The following ZRANB3 variants were observed in gnomAD, a reference collection of about 807,000 sequenced individuals.
The protein encoded by ZRANB3 is zinc finger RANBP2-type containing 3, also known as DNA annealing helicase and endonuclease ZRANB3.
Under a neutral mutation model 133.8 loss-of-function variants are expected in ZRANB3, and 125 were observed. The ratio of observed to expected loss-of-function variants is 0.93; its 90% confidence interval spans 0.81 to 1.08. The LOEUF (loss-of-function observed/expected upper bound fraction) is 1.08. Ranked by LOEUF, ZRANB3 falls within the 50% of genes least tolerant of loss-of-function variation. The pLI, the probability that ZRANB3 is intolerant of heterozygous loss-of-function variation, is 0.00. For synonymous variants in ZRANB3, 387 were observed against 432.7 expected, an observed-to-expected ratio of 0.89 and a Z score of 1.31; for missense variants, 1,229 against 1,275.5, an observed-to-expected ratio of 0.96 and a Z score of 0.56.
chr2:135,456,186 A>G (rs577823420), intron 2 of ZRANB3, among the ~76,000 whole-genome samples: 22 of 152,336 alleles, frequency 1.4e-4, no homozygotes, highest in African/African-American at 5.3e-4. Context: ...CATCTGAAAA[A>G]GGAATTTATT....
intron 8 of ZRANB3, among the ~76,000 whole-genome samples, chr2:135,280,215 G>A (rs1015758125): frequency 6.6e-6 from 1 of 152,148 alleles, no homozygotes. Flanking sequence ...TTAGTAATAA[G>A]CCTGTTAGTC....
chr2:135,375,313 G>A (rs1686370642), intron 3 of ZRANB3, among the ~76,000 whole-genome samples: 1 of 152,170 alleles, frequency 6.6e-6, no homozygotes, highest in Non-Finnish European at 1.5e-5. Flanking sequence ...AGCACTTTGG[G>A]AGGCCAAGGC....
intron 8 of ZRANB3, among the ~76,000 whole-genome samples, chr2:135,292,561 T>C (rs1203686399): frequency 6.6e-6 from 1 of 152,242 alleles, no homozygotes; most frequent in African/African-American, 2.4e-5. Context: ...TTCACTCTGA[T>C]GGTAGTTTCT....
At chr2:135,256,995 G>GGCCGGGCGCGGTGGCTCACGCCTGTAATC (rs1679690338) in intron 12 of ZRANB3, among the ~76,000 whole-genome samples, 1 of 152,154 alleles carries the variant, frequency 6.6e-6, no homozygotes, top group Non-Finnish European at 1.5e-5. Context: ...GTTTACAAAT[G>GGCCGGGCGCGGTGGCTCACGCCTGTAATC]CCATGGAAAC....
At chr2:135,200,753 G>GTTTT (rs373759295) in intron 20 of ZRANB3, among the ~76,000 whole-genome samples, 8 of 126,436 alleles carry the variant, frequency 6.3e-5, no homozygotes, top group African/African-American at 1.8e-4. Flanking sequence ...CAAGTGGGAG[G>GTTTT]TTTTTTTTTT....
intron 8 of ZRANB3, among the ~76,000 whole-genome samples, chr2:135,277,088 A>G (rs535462779): frequency 6.6e-6 from 1 of 152,240 alleles, no homozygotes; most frequent in South Asian, 2.1e-4. Flanking sequence ...ATCCTACAAA[A>G]CTCATGGGGA....
chr2:135,225,860 C>T (rs1694741082), intron 14 of ZRANB3, among the ~76,000 whole-genome samples: 1 of 152,120 alleles, frequency 6.6e-6, no homozygotes. Flanking sequence ...CTTCATGGTA[C>T]TGAAGGAAGC....
chr2:135,461,614 G>T (rs1449039065), intron 2 of ZRANB3, among the ~76,000 whole-genome samples: 2 of 152,052 alleles, frequency 1.3e-5, no homozygotes, highest in South Asian at 2.1e-4. Flanking sequence ...CACAAAGCAG[G>T]TCTTTTGCTA....
At chr2:135,517,415 C>T (rs952242141) in intron 1 of ZRANB3, among the ~76,000 whole-genome samples, 1 of 152,092 alleles carries the variant, frequency 6.6e-6, no homozygotes, top group Non-Finnish European at 1.5e-5. Flanking sequence ...GATTTATCTA[C>T]CTTTGGTCTT....
chr2:135,246,970 A>G (rs1489538230), intron 12 of ZRANB3, among the ~76,000 whole-genome samples: 2 of 152,182 alleles, frequency 1.3e-5, no homozygotes, highest in Admixed American at 1.3e-4. Flanking sequence ...AGGGGAAAAA[A>G]ATCTAGTAAA....
chr2:135,365,181 T>G (rs62172190), intron 3 of ZRANB3, among the ~76,000 whole-genome samples: 1 of 151,982 alleles, frequency 6.6e-6, no homozygotes, highest in Admixed American at 6.6e-5. Context: ...GCAGGGGAAT[T>G]GCTTTAACCC....
At chr2:135,218,019 C>A (rs1273445612) in intron 16 of ZRANB3, among the ~76,000 whole-genome samples, 4 of 152,078 alleles carry the variant, frequency 2.6e-5, no homozygotes, top group Non-Finnish European at 5.9e-5. Context: ...CACTATGTTG[C>A]CCAGGCTCGT....
At position 135,223,389 on chromosome 2, in the gene ZRANB3, G is replaced by A. The variant is rs185573645; in HGVS notation, c.2250+1037C>T. Among the ~76,000 whole-genome samples, 5 of 149,126 alleles carry A rather than the reference G, an allele frequency of 3.4e-5. No homozygotes were observed. In the East Asian group the frequency reaches 1.0e-3, roughly 31 times the overall value. Reference sequence around the variant, plus strand: ...CACCCAGGCTGGAGTGCAGTGGCGCGATCTTGGCTCACTGCAACCTCTGCC... The same window carrying A: ...CACCCAGGCTGGAGTGCAGTGGCGCAATCTTGGCTCACTGCAACCTCTGCC... On this transcript the variant is annotated intron_variant, in intron 15 of 20. Transcript: ENST00000264159.
intron 3 of ZRANB3, among the ~76,000 whole-genome samples, chr2:135,357,141 G>T (rs559683588): frequency 1.1e-4 from 17 of 152,256 alleles, no homozygotes; most frequent in African/African-American, 3.9e-4. Context: ...CTGTCACCAA[G>T]GGTGAAATGT....
intron 8 of ZRANB3, among the ~76,000 whole-genome samples, chr2:135,309,628 T>C (rs547505366): frequency 1.5e-4 from 23 of 152,186 alleles, no homozygotes; most frequent in Admixed American, 1.5e-3. Context: ...AAAAATGCCA[T>C]TTACAGGAGC....
chr2:135,237,956 C>CA (rs894582484), intron 12 of ZRANB3, among the ~76,000 whole-genome samples: 1 of 152,030 alleles, frequency 6.6e-6, no homozygotes, highest in African/African-American at 2.4e-5. Flanking sequence ...AAACAAAAAA[C>CA]AAAAAAACCT....
intron 6 of ZRANB3, among the ~76,000 whole-genome samples, chr2:135,316,719 G>C (rs190935523): frequency 2.0e-5 from 3 of 152,174 alleles, no homozygotes; most frequent in East Asian, 3.9e-4. Context: ...CGTAATCCCA[G>C]CACTTTGGGA....
intron 3 of ZRANB3, among the ~76,000 whole-genome samples, chr2:135,372,825 C>T (rs1032236367): frequency 3.4e-5 from 5 of 148,406 alleles, no homozygotes; most frequent in African/African-American, 7.5e-5. Context: ...GTGGATCACA[C>T]GGATAATCCT....
At chr2:135,329,053 CTTTAG>C (rs1205951739) in intron 6 of ZRANB3, among the ~76,000 whole-genome samples, 2 of 152,158 alleles carry the variant, frequency 1.3e-5, no homozygotes, top group Non-Finnish European at 2.9e-5. Context: ...TGCAGAAGCC[CTTTAG>C]TTTAATTAGA....
Sources: allele counts gnomAD v4.1 joint callset (sites outside exome capture counted in the v4.1 genomes callset), GRCh38; gene constraint gnomAD v4.1.1; transcripts MANE v1.5; gene names NCBI Gene and HGNC (gene_info 2026-07-23, HGNC 2026-07-21).